RIF1: variants seen among roughly 807,000 people sequenced by gnomAD.
The protein encoded by RIF1 is telomere-associated protein RIF1.
RIF1 carries 45 observed loss-of-function variants against 247.1 expected under a neutral mutation model. The observed-to-expected ratio is 0.18, with a 90% CI of 0.14 to 0.23. The LOEUF is 0.23. Ranked by LOEUF, RIF1 falls within the 10% of genes least tolerant of loss-of-function variation. The probability of loss-of-function intolerance (pLI) is 1.00; values close to 1 mark genes in which losing one functional copy is unlikely to be tolerated. For missense variants in RIF1, 2,967 were observed against 2,862.5 expected (o/e 1.04, Z -0.83); for synonymous variants, 1,087 against 978.8 (o/e 1.11, Z -2.06).
chr2:151,532,015 A>T, the RIF1 span: 2 of 634,600 alleles, frequency 3.2e-6, no homozygotes, highest in South Asian at 4.2e-5. Flanking sequence ...TTTAATTCCT[A>T]ACTGGAAATG....
rs369213030 is a variant in RIF1, at chr2:151,458,799, A to G, written c.2856-12A>G. The G allele has an allele frequency of 1.2e-5, 19 of 1,533,820 alleles. No homozygotes were observed. The African/African-American group carries it at 2.6e-4, about 21-fold the overall frequency. On this transcript the variant is annotated splice_polypyrimidine_tract_variant and intron_variant, in intron 24 of 35. Coordinates refer to ENST00000444746, the MANE Select transcript of RIF1 (RefSeq NM_018151.5). Reference sequence around the variant, plus strand: ...TTGACTTAAGGTATATATTTTATGTACTTTTTTAAAGACCAGTACTAACAC... The same window carrying G: ...TTGACTTAAGGTATATATTTTATGTGCTTTTTTAAAGACCAGTACTAACAC...
At chr2:151,487,555 C>G (rs890604006) in intron 9 of RIF1, among the ~76,000 whole-genome samples, 2 of 152,078 alleles carry the variant, frequency 1.3e-5, no homozygotes, top group African/African-American at 4.8e-5. Flanking sequence ...CCCTTTTTGA[C>G]TGCTGCAGAG....
In RIF1 at chr2:151,465,799, A is replaced by G. The variant is rs1371328833; in HGVS notation, c.6279A>G (p.Lys2093=). ...CTGAAACAAATACTGAGTATAGTAA[A>G]TCTGAAGAAAAATTAGATAACAATC... The part of the protein sequence containing the change: ...NKTETNTEYS[K]SEEKLDNNQM... The change falls in exon 30 of 36, where the codon AAA becomes AAG. Residue 2093 remains lysine (K), a synonymous_variant. Transcript: ENST00000444746. 6.2e-7 allele frequency: 1 copy of G among 1,613,302 alleles called. No homozygotes were observed.
At chr2:151,424,524 A>G (rs1273472239) in intron 8 of RIF1, among the ~76,000 whole-genome samples, 1 of 152,146 alleles carries the variant, frequency 6.6e-6, no homozygotes, top group Non-Finnish European at 1.5e-5. Context: ...GGTTGTTTCT[A>G]CCTTTTGGCT....
chr2:151,465,787 T>G lies in RIF1; in HGVS notation c.6267T>G (p.Thr2089=), dbSNP rs1264067745. 1.2e-6 allele frequency: 2 copies of G among 1,613,028 alleles called. No homozygotes were observed. The highest frequency in any genetic ancestry group is 1.7e-6 in the Non-Finnish European group (2 of 1,179,086). The change falls in exon 30 of 36, where the codon ACT becomes ACG. Residue 2089 remains threonine (T), a synonymous_variant. Transcript: ENST00000444746. The part of the protein sequence containing the change: ...IIDANKTETN[T]EYSKSEEKLD... ...ACGCTAATAAAACTGAAACAAATACTGAGTATAGTAAATCTGAAGAAAAAT... is the reference window on the plus strand; with the variant it reads ...ACGCTAATAAAACTGAAACAAATACGGAGTATAGTAAATCTGAAGAAAAAT...
At chr2:151,410,640 T>C (rs1573815475) in intron 2 of RIF1, 113 bp downstream of exon 2, 1 of 873,222 alleles carries the variant, frequency 1.1e-6, no homozygotes, top group East Asian at 2.6e-5. Context: ...CTAGCAAATG[T>C]GAGGACGCCC....
In RIF1 at chr2:151,462,279, T is replaced by C; in HGVS notation, c.3265T>C (p.Ser1089Pro). 3 of 1,590,574 alleles carry C rather than the reference T, an allele frequency of 1.9e-6. No individual in the cohort carries two copies. The highest frequency in any genetic ancestry group is 2.6e-6 in the Non-Finnish European group (3 of 1,165,558). The stretch of plus-strand genomic sequence containing the variant: ...TGCCATGTATAATAATCTGGATGTT[T>C]CCCAAGATACCTTATTTACTCAGTA... The part of the protein sequence containing the change: ...IPAMYNNLDV[S>P]QDTLFTQYSQ... Residue 1089 changes from serine to proline, a missense_variant, in exon 28 of 36, where the codon TCC (serine) becomes CCC (proline). Physicochemically the swap from Ser to Pro is moderately conservative, Grantham distance 74. Coordinates refer to ENST00000444746, the MANE Select transcript of RIF1 (RefSeq NM_018151.5).
At chr2:151,509,303 C>T (rs1362057904), downstream of RIF1, among the ~76,000 whole-genome samples, 1 of 146,154 alleles carries the variant, frequency 6.8e-6, no homozygotes, top group East Asian at 2.0e-4. Context: ...ACCTGGATGA[C>T]TCCTTAGCTA....
At chr2:151,494,763 C>G (rs185559101) in intron 9 of RIF1, among the ~76,000 whole-genome samples, 1 of 152,332 alleles carries the variant, frequency 6.6e-6, no homozygotes, top group East Asian at 1.9e-4. Context: ...ATTCTTCTGC[C>G]TCAGCCTCCT....
At chr2:151,512,706 G>C (rs1295092412), downstream of RIF1, 3 of 1,479,588 alleles carry the variant, frequency 2.0e-6, no homozygotes, top group East Asian at 6.8e-5. Context: ...TGGGGTTTAT[G>C]AGTGATGGCA....
chr2:151,502,844 A>G, intron 11 of RIF1: 1 of 1,608,252 alleles, frequency 6.2e-7, no homozygotes, highest in Non-Finnish European at 8.5e-7. Context: ...CTGGAGTGAT[A>G]GGTGTTGGGA....
At chr2:151,418,464 C>T (rs1477311644) in intron 6 of RIF1, among the ~76,000 whole-genome samples, 1 of 152,210 alleles carries the variant, frequency 6.6e-6, no homozygotes, top group Non-Finnish European at 1.5e-5. Context: ...CTCAGCCTCC[C>T]AATGTACCAG....
rs764275960 is a variant in RIF1, at chr2:151,468,142, C to A, written c.6743C>A (p.Ser2248Tyr). The A allele has an allele frequency of 6.2e-7, 1 of 1,609,222 alleles. No individual in the cohort carries two copies. The highest frequency in any genetic ancestry group is 8.5e-7 in the Non-Finnish European group (1 of 1,176,840). The change falls in exon 31 of 36, where the codon TCT becomes TAT. Residue 2248 changes from serine to tyrosine, a missense_variant. By Grantham distance (144) the Ser-to-Tyr change is moderately radical (BLOSUM62 -2). Transcript: ENST00000444746. ...KSVKTSPTTQ[S>Y]KHNTTSAKGF... ...GTTAAAACTTCTCCTACTACACAAT[C>A]TAAGGTAAGCTATAGGCTTTAAAAT...
chr2:151,504,502 C>A (rs1043540109), intron 12 of RIF1, among the ~76,000 whole-genome samples: 1 of 152,174 alleles, frequency 6.6e-6, no homozygotes, highest in Non-Finnish European at 1.5e-5. Flanking sequence ...ACAAGGAAAT[C>A]TGTACCACAG....
chr2:151,519,994 A>G, the RIF1 span: 5 of 364,738 alleles, frequency 1.4e-5, no homozygotes, highest in African/African-American at 1.0e-4. Context: ...TCATTTTTAT[A>G]TTATTCCAAG....
chr2:151,452,315 A>C (rs1349821936), intron 21 of RIF1, among the ~76,000 whole-genome samples: 1 of 152,220 alleles, frequency 6.6e-6, no homozygotes, highest in Admixed American at 6.5e-5. Context: ...AAAATCTGTT[A>C]ATTGATTCAT....
the RIF1 span, chr2:151,531,988 T>C: frequency 8.2e-6 from 6 of 727,426 alleles, no homozygotes; most frequent in Admixed American, 1.1e-4. Context: ...GAGTGGGAGA[T>C]GGTATCTAGC....
the RIF1 span, chr2:151,533,421 T>G: frequency 6.7e-7 from 1 of 1,495,618 alleles, no homozygotes. Flanking sequence ...ACCTCCTTCT[T>G]CACATCCCAT....
rs754838588 is a variant in RIF1, at chr2:151,465,828, T to C, written c.6308T>C (p.Met2103Thr). The change falls in exon 30 of 36, where the codon ATG (methionine) becomes ACG (threonine). Residue 2103 changes from methionine to threonine, a missense_variant. By Grantham distance (81) the Met-to-Thr change is moderately conservative (BLOSUM62 -1). Around this residue, in one of 7 missense-constraint regions of RIF1, gnomAD observed 2,028 missense variants for 1,825.6 expected, o/e 1.11. Coordinates refer to ENST00000444746, the MANE Select transcript of RIF1 (RefSeq NM_018151.5). Reference sequence around the variant, plus strand: ...GAAGAAAAATTAGATAACAATCAAATGGTAATGGAAAGTGATATTTTACAG... The same window carrying C: ...GAAGAAAAATTAGATAACAATCAAACGGTAATGGAAAGTGATATTTTACAG... ...KSEEKLDNNQ[M>T]VMESDILQED... The C allele has an allele frequency of 6.2e-7, 1 of 1,613,326 alleles. No individual in the cohort carries two copies. Among genetic ancestry groups the C allele is most frequent in the Non-Finnish European group, 8.5e-7 (1 of 1,179,284 alleles).
Sources: gnomAD v4.1 joint callset for allele counts (sites outside exome capture counted in the v4.1 genomes callset) on GRCh38, gnomAD v4.1.1 for gene constraint, gnomAD v4.1.1 regional missense constraint, MANE v1.5 for transcripts, NCBI Gene and HGNC (gene_info 2026-07-23, HGNC 2026-07-21) for gene names.